The following EPHA5 variants were observed in gnomAD, a reference collection of about 807,000 sequenced individuals.
EPHA5 encodes the protein ephrin type-A receptor 5.
A neutral mutation model predicts 105.0 loss-of-function variants in EPHA5; 60 were observed. The ratio of observed to expected loss-of-function variants is 0.57; its 90% CI spans 0.46 to 0.71. The LOEUF (loss-of-function observed/expected upper bound fraction) is 0.71. Among genes scored for constraint, EPHA5 ranks in the 30% least tolerant of loss-of-function variants. EPHA5 has a pLI of 0.00. For synonymous variants in EPHA5, 513 were observed against 449.1 expected (o/e 1.14, Z -1.80); for missense variants, 1,218 against 1,274.7 (o/e 0.96, Z 0.68).
chr4:65,620,351 ACT>A (rs1745608889), intron 2 of EPHA5, among the ~76,000 whole-genome samples: 1 of 151,988 alleles, frequency 6.6e-6, no homozygotes, highest in Non-Finnish European at 1.5e-5. Context: ...TGCGATGCAC[ACT>A]GTTTCTATTT....
At chr4:65,372,103 G>A (rs760999346) in intron 8 of EPHA5, among the ~76,000 whole-genome samples, 1 of 151,888 alleles carries the variant, frequency 6.6e-6, no homozygotes, top group Non-Finnish European at 1.5e-5. Flanking sequence ...GCACACTCAC[G>A]TGTTCTGACA....
rs1313659191 is a variant in EPHA5, at chr4:65,465,528, AAAAGAAAGGAAAGG to A, written c.1402+24835_1402+24848del. 7.1e-4 allele frequency among the ~76,000 whole-genome samples: 54 copies of A among 76,332 alleles called. 1 individual carries two copies. Among genetic ancestry groups the A allele is most frequent in the Admixed American group, 2.1e-3 (12 of 5,838 alleles). The allele number at this position is 76,332 out of a possible 152,430, so 50.1% of individuals were successfully genotyped here. ...GAAAGAAAGAAAGAAAGAAAGAAAG[AAAAGAAAGGAAAGG>A]AAGGAAAGGAAGGAAAGGAAGGAAA... On this transcript the variant is annotated intron_variant, in intron 5 of 16. Coordinates refer to ENST00000613740, the MANE Select transcript of EPHA5 (RefSeq NM_001281766.3).
At chr4:65,383,583 T>A (rs917990904) in intron 8 of EPHA5, among the ~76,000 whole-genome samples, 2 of 151,784 alleles carry the variant, frequency 1.3e-5, no homozygotes, top group Admixed American at 6.6e-5. Context: ...TATTGTGGAG[T>A]TCCCTCTGAT....
intron 2 of EPHA5, among the ~76,000 whole-genome samples, chr4:65,642,304 T>C (rs1282981111): frequency 1.3e-5 from 2 of 152,022 alleles, no homozygotes; most frequent in Non-Finnish European, 2.9e-5. Context: ...CGATGATAGA[T>C]GAGAGAAAGA....
chr4:65,582,993 G>T (rs556595536), intron 3 of EPHA5, among the ~76,000 whole-genome samples: 386 of 151,586 alleles, frequency 2.5e-3, no homozygotes, highest in African/African-American at 9.0e-3. Flanking sequence ...ATTGAGACAA[G>T]ATTTTTTTGT....
In EPHA5 at chr4:65,640,511, CT is replaced by C. The variant is rs200539980; in HGVS notation, c.246+2851del. ...CCGTGTTAGCCAGGATGGTCTCGAT[CT>C]CCTGACCTCGTGATCCACCCGCCTC... On this transcript the variant is annotated intron_variant, in intron 2 of 16. Coordinates refer to ENST00000613740, the MANE Select transcript of EPHA5 (RefSeq NM_001281766.3). 5.1e-4 allele frequency among the ~76,000 whole-genome samples: 78 copies of C among 152,188 alleles called. 3 individuals are homozygous for C. The East Asian group carries it at 0.015, about 29-fold the overall frequency.
intron 3 of EPHA5, among the ~76,000 whole-genome samples, chr4:65,567,165 TTCTTTTTA>T (rs1206810249): frequency 3.3e-5 from 5 of 150,960 alleles, no homozygotes; most frequent in Non-Finnish European, 5.9e-5. Flanking sequence ...TAAGACAAAT[TTCTTTTTA>T]TGTCTTGAAA....
rs1169546505 is a variant in EPHA5 at position 65,656,834 on chromosome 4, T to C, written c.181+12728A>G. ...TCCATAGCATTTATAATTTTAACCC[T>C]CCCATCTAGAGGAAAATTTAATTCA... On this transcript the variant is annotated intron_variant, in intron 1 of 16. Coordinates refer to ENST00000613740, the MANE Select transcript of EPHA5 (RefSeq NM_001281766.3). Among the ~76,000 whole-genome samples, 4 of 151,072 alleles carry C rather than the reference T, an allele frequency of 2.6e-5. No individual in the cohort carries two copies. The South Asian group carries it at 8.3e-4, about 31-fold the overall frequency.
chr4:65,621,934 C>T (rs1745738857), intron 2 of EPHA5, among the ~76,000 whole-genome samples: 1 of 152,096 alleles, frequency 6.6e-6, no homozygotes, highest in Non-Finnish European at 1.5e-5. Flanking sequence ...TCGTCATGAA[C>T]ATTAAGATCA....
At chr4:65,374,790 T>G (rs1006243819) in intron 8 of EPHA5, among the ~76,000 whole-genome samples, 2 of 151,924 alleles carry the variant, frequency 1.3e-5, no homozygotes, top group African/African-American at 4.8e-5. Flanking sequence ...TCTAAAACTG[T>G]AAATGTGTCT....
chr4:65,610,394 T>C (rs1165530963), intron 2 of EPHA5, among the ~76,000 whole-genome samples: 1 of 151,970 alleles, frequency 6.6e-6, no homozygotes, highest in Non-Finnish European at 1.5e-5. Context: ...GCTGTATGGG[T>C]TGGAAGGCTG....
chr4:65,325,718 G>C (rs1161502773), intron 16 of EPHA5, among the ~76,000 whole-genome samples: 2 of 151,134 alleles, frequency 1.3e-5, no homozygotes, highest in African/African-American at 2.4e-5. Flanking sequence ...GACCAAACGA[G>C]GAATATAAGA....
chr4:65,435,848 G>T (rs1324056901), intron 5 of EPHA5, among the ~76,000 whole-genome samples: 2 of 151,982 alleles, frequency 1.3e-5, no homozygotes, highest in Non-Finnish European at 2.9e-5. Context: ...TCCACAATTG[G>T]TGGATTCAAT....
chr4:65,430,017 T>G (rs1724825645), intron 5 of EPHA5, among the ~76,000 whole-genome samples: 1 of 151,914 alleles, frequency 6.6e-6, no homozygotes. Flanking sequence ...CCTTTTAAAG[T>G]CCAGAAAAAA....
At chr4:65,570,476 C>T (rs912931199) in intron 3 of EPHA5, among the ~76,000 whole-genome samples, 2 of 150,964 alleles carry the variant, frequency 1.3e-5, no homozygotes, top group Admixed American at 6.6e-5. Flanking sequence ...TACCCTCATA[C>T]ATATACTCAT....
Position 65,322,432 on chromosome 4 carries a change from T to C in EPHA5, c.*1682A>G, listed in dbSNP as rs1719708520. 4.4e-6 allele frequency: 1 copy of C among 226,096 alleles called. No individual in the cohort carries two copies. The highest frequency in any genetic ancestry group is 8.8e-6 in the Non-Finnish European group (1 of 113,444). 14.0% of individuals were successfully genotyped at this position (226,096 alleles called of 1,614,324 possible). A position where few individuals can be genotyped will look rare whatever the true frequency, so the allele number is the denominator to read the frequency against. ...TAATCCAGGCTTCTCTGATCTACTG[T>C]ACTATTAACATTGATAATCATGAGT... On this transcript the variant is annotated 3_prime_UTR_variant, in exon 17 of 17. Transcript: ENST00000613740.
At chr4:65,643,105 G>A (rs1335029033) in intron 2 of EPHA5, among the ~76,000 whole-genome samples, 1 of 151,904 alleles carries the variant, frequency 6.6e-6, no homozygotes, top group Non-Finnish European at 1.5e-5. Flanking sequence ...CCTAAATGCT[G>A]AAGGAAACTT....
intron 8 of EPHA5, among the ~76,000 whole-genome samples, chr4:65,387,208 T>G (rs1357399113): frequency 6.6e-6 from 1 of 151,918 alleles, no homozygotes; most frequent in Admixed American, 6.6e-5. Context: ...TGGTTTATAC[T>G]GAGATGATCC....
At chr4:65,433,003 G>A (rs1358349037) in intron 5 of EPHA5, among the ~76,000 whole-genome samples, 2 of 152,050 alleles carry the variant, frequency 1.3e-5, no homozygotes, top group Non-Finnish European at 2.9e-5. Context: ...ATGATACAAT[G>A]TGGTGTTTAG....
Sources: allele counts gnomAD v4.1 joint callset (sites outside exome capture counted in the v4.1 genomes callset), GRCh38; gene constraint gnomAD v4.1.1; transcripts MANE v1.5; gene names NCBI Gene and HGNC (gene_info 2026-07-23, HGNC 2026-07-21).